Variants in ADAMTSL1 observed in about 807,000 individuals in gnomAD.
ADAMTSL1 encodes ADAMTS-like protein 1.
In ADAMTSL1, 126 loss-of-function variants were observed where a neutral mutation model predicts 201.8. The observed-to-expected ratio is 0.62, with a 90% CI of 0.54 to 0.72. The LOEUF (loss-of-function observed/expected upper bound fraction) is 0.72. ADAMTSL1 is among the 30% of genes least tolerant of loss of function. The pLI, the probability that ADAMTSL1 is intolerant of heterozygous loss-of-function variation, is 0.00. For synonymous variants in ADAMTSL1, 1,121 were observed against 903.4 expected (o/e 1.24, Z -4.32); for missense variants, 2,679 against 2,277.8 (o/e 1.18, Z -3.59).
Position 18,777,811 on chromosome 9 carries a change from G to A in ADAMTSL1, c.3582G>A (p.Gly1194=). ...GGCAGACGGTGGCCCTGGCCAGCGG[G>A]ACACTGAGTGTTCTTCTGCACTGTG... ...HLGQTVALAS[G]TLSVLLHCEA... The change falls in exon 19 of 29, where the codon GGG becomes GGA. Residue 1194 remains glycine, a synonymous_variant. Transcript: ENST00000380548. The A allele has an allele frequency of 6.2e-7, 1 of 1,613,746 alleles. No individual in the cohort carries two copies. Among genetic ancestry groups the A allele is most frequent in the Admixed American group, 1.7e-5 (1 of 60,012 alleles).
chr9:18,711,128 A>C (rs483950), intron 14 of ADAMTSL1, among the ~76,000 whole-genome samples: 1 of 152,088 alleles, frequency 6.6e-6, no homozygotes, highest in Admixed American at 6.5e-5. Context: ...TCATTAAAAA[A>C]TTGTTTGAAA....
At chr9:18,321,797 A>C (rs193153293) in intron 2 of ADAMTSL1, among the ~76,000 whole-genome samples, 46 of 152,204 alleles carry the variant, frequency 3.0e-4, no homozygotes, top group African/African-American at 1.1e-3. Context: ...CATGTCAAAA[A>C]AACCAAAACA....
At chr9:18,245,796 C>CAATTT (rs773099741) in intron 2 of ADAMTSL1, among the ~76,000 whole-genome samples, 3 of 151,696 alleles carry the variant, frequency 2.0e-5, no homozygotes, top group Non-Finnish European at 4.4e-5. Context: ...AGTAGCAACA[C>CAATTT]AATTTACCAC....
chr9:18,054,756 G>C (rs922803196), intron 1 of ADAMTSL1, among the ~76,000 whole-genome samples: 66 of 152,280 alleles, frequency 4.3e-4, no homozygotes, highest in African/African-American at 1.6e-3. Flanking sequence ...CTTTTATCAA[G>C]GCTGTCTTTT....
chr9:17,924,208 TC>T (rs1826426260), intron 1 of ADAMTSL1, among the ~76,000 whole-genome samples: 1 of 151,964 alleles, frequency 6.6e-6, no homozygotes, highest in African/African-American at 2.4e-5. Context: ...TGGTACCAGT[TC>T]CTCCTTGTAC....
intron 1 of ADAMTSL1, among the ~76,000 whole-genome samples, chr9:18,037,008 C>T (rs576606481): frequency 6.6e-6 from 1 of 152,294 alleles, no homozygotes; most frequent in South Asian, 2.1e-4. Flanking sequence ...CTTTTGTCCC[C>T]TCCCTTTTGG....
At chr9:18,243,483 C>A (rs746574609) in intron 2 of ADAMTSL1, among the ~76,000 whole-genome samples, 3 of 152,030 alleles carry the variant, frequency 2.0e-5, no homozygotes, top group Non-Finnish European at 4.4e-5. Context: ...CTCACACTGA[C>A]CTTTGAAATA....
rs772122083 is a variant in ADAMTSL1, at chr9:18,419,731, C to CTT, written c.208-85080_208-85079dup. 8.6e-3 allele frequency among the ~76,000 whole-genome samples: 1,077 copies of CTT among 125,290 alleles called. 22 individuals carry two copies. The highest frequency in any genetic ancestry group is 0.026 in the African/African-American group (861 of 33,428). The allele number at this position is 125,290 out of a possible 152,430, so 82.2% of individuals were successfully genotyped here. A position where few individuals can be genotyped will look rare whatever the true frequency, so the allele number is the denominator to read the frequency against. On this transcript the variant is annotated intron_variant, in intron 2 of 29. Transcript: ENST00000680146. The stretch of plus-strand genomic sequence containing the variant: ...ACACTGTATAATCTCATTTATTTGA[C>CTT]TTTTTTTTTTTTTTTTTTTGAGATG...
chr9:18,171,415 C>T (rs553413309), intron 2 of ADAMTSL1, among the ~76,000 whole-genome samples: 3 of 152,096 alleles, frequency 2.0e-5, no homozygotes, highest in East Asian at 3.9e-4. Context: ...AAATATTATA[C>T]TTTAAATTAT....
intron 2 of ADAMTSL1, among the ~76,000 whole-genome samples, chr9:18,335,014 T>G (rs2132931408): frequency 6.6e-6 from 1 of 152,220 alleles, no homozygotes; most frequent in South Asian, 2.1e-4. Context: ...ATATCATATA[T>G]AATACAAATT....
At chr9:18,517,730 C>T (rs1415569865) in intron 2 of ADAMTSL1, among the ~76,000 whole-genome samples, 1 of 152,088 alleles carries the variant, frequency 6.6e-6, no homozygotes, top group African/African-American at 2.4e-5. Flanking sequence ...CATCCATGTC[C>T]CTATCATTTT....
chr9:18,383,359 A>G (rs115296786), intron 2 of ADAMTSL1, among the ~76,000 whole-genome samples: 96 of 152,106 alleles, frequency 6.3e-4, no homozygotes, highest in African/African-American at 2.2e-3. Context: ...TCCTTTGAGT[A>G]TATGTTTAAG....
At chr9:18,397,568 G>C (rs542746267) in intron 2 of ADAMTSL1, among the ~76,000 whole-genome samples, 3 of 152,104 alleles carry the variant, frequency 2.0e-5, no homozygotes, top group African/African-American at 7.2e-5. Flanking sequence ...ATCGGTACTG[G>C]TGGAGGAAAG....
At chr9:18,528,108 C>T (rs1260613386) in intron 2 of ADAMTSL1, among the ~76,000 whole-genome samples, 1 of 152,154 alleles carries the variant, frequency 6.6e-6, no homozygotes, top group Admixed American at 6.5e-5. Context: ...GAACTCCTGA[C>T]CTCACATGAT....
At chr9:18,061,986 G>T (rs943926777) in intron 1 of ADAMTSL1, among the ~76,000 whole-genome samples, 1 of 152,200 alleles carries the variant, frequency 6.6e-6, no homozygotes, top group Admixed American at 6.5e-5. Context: ...GAGACAGGAT[G>T]AAGGAAGTAC....
At position 18,876,150 on chromosome 9, in the gene ADAMTSL1, C is replaced by A. The variant is rs542551599; in HGVS notation, c.4250-11681C>A. Among the ~76,000 whole-genome samples the A allele has an allele frequency of 4.6e-5, 7 of 152,212 alleles. No individual in the cohort carries two copies. The East Asian group carries it at 1.4e-3, about 29-fold the overall frequency. On this transcript the variant is annotated intron_variant, in intron 23 of 28. Coordinates refer to ENST00000380548, the MANE Select transcript of ADAMTSL1 (RefSeq NM_001040272.6). Reference sequence around the variant, plus strand: ...GTGAGTCCTTATGTGTTAGGTGAGTCTCTTGAAGACAGCAGATACTTGGTT... The same window carrying A: ...GTGAGTCCTTATGTGTTAGGTGAGTATCTTGAAGACAGCAGATACTTGGTT...
chr9:18,034,784 C>G (rs1206669799), intron 1 of ADAMTSL1, among the ~76,000 whole-genome samples: 1 of 152,148 alleles, frequency 6.6e-6, no homozygotes, highest in African/African-American at 2.4e-5. Context: ...CTATTTTTCT[C>G]CATTTTTGAC....
chr9:17,961,437 GA>G (rs1452255983), intron 1 of ADAMTSL1, among the ~76,000 whole-genome samples: 4 of 152,038 alleles, frequency 2.6e-5, no homozygotes, highest in Admixed American at 6.6e-5. Flanking sequence ...TTTTAGTAGA[GA>G]TGGGGTTTCT....
chr9:18,709,617 A>T (rs1323798860), intron 14 of ADAMTSL1, among the ~76,000 whole-genome samples: 1 of 152,182 alleles, frequency 6.6e-6, no homozygotes, highest in African/African-American at 2.4e-5. Flanking sequence ...ATTCTGGGAG[A>T]TATAAACACT....
Sources: gnomAD v4.1 joint callset for allele counts (sites outside exome capture counted in the v4.1 genomes callset) on GRCh38, gnomAD v4.1.1 for gene constraint, MANE v1.5 for transcripts, NCBI Gene and HGNC (gene_info 2026-07-23, HGNC 2026-07-21) for gene names.